The following PDE4D variants were observed in gnomAD, a reference collection of about 807,000 sequenced individuals.
The protein encoded by PDE4D is 3',5'-cyclic-AMP phosphodiesterase 4D.
In PDE4D, 24 loss-of-function variants were observed where a neutral mutation model predicts 87.4. The observed-to-expected ratio is 0.27, with a 90% CI of 0.20 to 0.39. The LOEUF is 0.39. Ranked by LOEUF, PDE4D falls within the 10% of genes least tolerant of loss-of-function variation. PDE4D has a pLI of 1.00. For missense variants in PDE4D, 714 were observed against 1,041.0 expected (o/e 0.69, Z 4.32); for synonymous variants, 384 against 383.2 (o/e 1.00, Z -0.02).
At chr5:59,871,419 G>A (rs1747804597) in intron 1 of PDE4D, among the ~76,000 whole-genome samples, 1 of 152,140 alleles carries the variant, frequency 6.6e-6, no homozygotes, top group African/African-American at 2.4e-5. Context: ...ACCCTGAACA[G>A]AAAACCCAGC....
rs75685393 is a variant in PDE4D, at chr5:60,168,732, T to C, written c.42+16825A>G. Among the ~76,000 whole-genome samples, 1,343 of 152,272 alleles carry C rather than the reference T, an allele frequency of 8.8e-3. 18 individuals carry two copies. Among genetic ancestry groups the C allele is most frequent in the South Asian group, 0.017 (80 of 4,826 alleles). On this transcript the variant is annotated intron_variant, in intron 2 of 16. Coordinates refer to the PDE4D transcript ENST00000502484. Reference sequence around the variant, plus strand: ...ATACTATGTAAATAGTTACACTGTATTTTTTTAGGAAATAATGACAAGGAA... The same window carrying C: ...ATACTATGTAAATAGTTACACTGTACTTTTTTAGGAAATAATGACAAGGAA...
intron 1 of PDE4D, among the ~76,000 whole-genome samples, chr5:60,494,898 A>G (rs982687134): frequency 3.3e-5 from 5 of 152,132 alleles, no homozygotes; most frequent in African/African-American, 1.2e-4. Context: ...TTCCCCTCTC[A>G]GAAATGGGCC....
At chr5:59,390,638 G>C (rs1336500680) in intron 1 of PDE4D, among the ~76,000 whole-genome samples, 1 of 152,068 alleles carries the variant, frequency 6.6e-6, no homozygotes, top group African/African-American at 2.4e-5. Flanking sequence ...ACATGTAAAT[G>C]TACAGCAAAG....
At chr5:59,760,361 G>C (rs993014031) in intron 1 of PDE4D, among the ~76,000 whole-genome samples, 6 of 152,096 alleles carry the variant, frequency 3.9e-5, no homozygotes, top group African/African-American at 1.4e-4. Context: ...AAATTATTTT[G>C]TTGTTAAGAT....
intron 1 of PDE4D, among the ~76,000 whole-genome samples, chr5:60,450,361 T>C (rs1746003265): frequency 6.6e-6 from 1 of 152,112 alleles, no homozygotes; most frequent in South Asian, 2.1e-4. Context: ...CTGACATAAA[T>C]TCTAACCCCA....
chr5:59,570,971 T>C (rs1428103777), intron 1 of PDE4D, among the ~76,000 whole-genome samples: 2 of 152,098 alleles, frequency 1.3e-5, no homozygotes, highest in African/African-American at 4.8e-5. Flanking sequence ...GAGAAAAAAA[T>C]GCTGTGTATT....
At chr5:59,806,198 C>T (rs185697516) in intron 1 of PDE4D, among the ~76,000 whole-genome samples, 7 of 152,318 alleles carry the variant, frequency 4.6e-5, no homozygotes, top group Middle Eastern at 3.4e-3. Flanking sequence ...ACTCAGACAG[C>T]GTTCCTCTCC....
intron 5 of PDE4D, among the ~76,000 whole-genome samples, chr5:59,059,163 T>A (rs143525122): frequency 6.6e-6 from 1 of 152,320 alleles, no homozygotes; most frequent in African/African-American, 2.4e-5. Context: ...CAAATTAAAT[T>A]ACTTCATACT....
intron 1 of PDE4D, among the ~76,000 whole-genome samples, chr5:60,274,803 C>T (rs1439115743): frequency 6.6e-6 from 1 of 152,222 alleles, no homozygotes; most frequent in Admixed American, 6.5e-5. Flanking sequence ...GTTGTTTTCA[C>T]CTTGGCTGCA....
At chr5:59,031,355 A>G (rs1438118388) in intron 6 of PDE4D, among the ~76,000 whole-genome samples, 3 of 67,876 alleles carry the variant, frequency 4.4e-5, no homozygotes, top group Non-Finnish European at 8.3e-5. Flanking sequence ...GTGCATAAAG[A>G]AAATGTGATA....
chr5:59,599,229 G>T lies in PDE4D; in HGVS notation c.455+293939C>A, dbSNP rs868345397. ...AGTAGATAGCAAAATGCTGTTTTTT[G>T]CTTTTTCTTTTTTTTTTTTTGAGCT... On this transcript the variant is annotated intron_variant, in intron 1 of 14. Coordinates refer to ENST00000340635, the MANE Select transcript of PDE4D (RefSeq NM_001104631.2). 1.5e-3 allele frequency among the ~76,000 whole-genome samples: 160 copies of T among 108,652 alleles called. 1 individual carries two copies. The highest frequency in any genetic ancestry group is 5.1e-3 in the Middle Eastern group (1 of 198). The allele number at this position is 108,652 out of a possible 152,430, so 71.3% of individuals were successfully genotyped here.
intron 1 of PDE4D, among the ~76,000 whole-genome samples, chr5:59,455,168 G>C (rs1021272732): frequency 1.3e-5 from 2 of 152,206 alleles, no homozygotes; most frequent in Admixed American, 1.3e-4. Context: ...CCAAGACAAC[G>C]AGGAAAATGT....
At chr5:60,076,685 C>A (rs571700673) in intron 2 of PDE4D, among the ~76,000 whole-genome samples, 1 of 132 alleles carries the variant, frequency 7.6e-3, no homozygotes, top group African/African-American at 0.028. Flanking sequence ...AGGTTAGGAA[C>A]CTGCTCACTG....
intron 1 of PDE4D, among the ~76,000 whole-genome samples, chr5:60,331,112 G>T (rs1757276672): frequency 6.6e-6 from 1 of 152,172 alleles, no homozygotes; most frequent in Non-Finnish European, 1.5e-5. Flanking sequence ...GTTCTGGAAA[G>T]AACTGGGAAA....
At chr5:60,201,502 A>T (rs1741900276) in intron 1 of PDE4D, among the ~76,000 whole-genome samples, 1 of 152,170 alleles carries the variant, frequency 6.6e-6, no homozygotes, top group South Asian at 2.1e-4. Flanking sequence ...TTCCAATTAC[A>T]TGCAGTTCCG....
At chr5:60,194,828 C>A (rs770643431) in intron 1 of PDE4D, among the ~76,000 whole-genome samples, 31 of 151,640 alleles carry the variant, frequency 2.0e-4, no homozygotes, top group Non-Finnish European at 4.0e-4. Flanking sequence ...CTTCTTGTCA[C>A]CAATACTGCC....
At chr5:59,302,982 C>G (rs897114717) in intron 1 of PDE4D, among the ~76,000 whole-genome samples, 5 of 152,146 alleles carry the variant, frequency 3.3e-5, no homozygotes, top group Non-Finnish European at 5.9e-5. Flanking sequence ...AATGGCTGTA[C>G]TAGTTTGCAT....
chr5:59,689,124 C>T (rs1226319298), intron 1 of PDE4D, among the ~76,000 whole-genome samples: 5 of 152,196 alleles, frequency 3.3e-5, no homozygotes, highest in Middle Eastern at 6.8e-3. Flanking sequence ...GATTCACAGC[C>T]GAATTCTACC....
intron 2 of PDE4D, among the ~76,000 whole-genome samples, chr5:59,992,356 CA>C (rs1199465136): frequency 6.6e-6 from 1 of 151,978 alleles, no homozygotes; most frequent in African/African-American, 2.4e-5. Context: ...CCTCAGCTTA[CA>C]GACCGCCTAT....
Sources: allele counts gnomAD v4.1 joint callset (sites outside exome capture counted in the v4.1 genomes callset), GRCh38; gene constraint gnomAD v4.1.1; transcripts MANE v1.5; gene names NCBI Gene and HGNC (gene_info 2026-07-23, HGNC 2026-07-21).